Variants in MEAF6 observed in about 807,000 individuals in gnomAD.
The protein encoded by MEAF6 is MYST/Esa1 associated factor 6.
Under a neutral mutation model 28.9 loss-of-function variants are expected in MEAF6, and 15 were observed. That is an observed-to-expected ratio of 0.52 (90% CI 0.35 to 0.80). The LOEUF (loss-of-function observed/expected upper bound fraction) is 0.80. Ranked by LOEUF, MEAF6 falls within the 30% of genes least tolerant of loss-of-function variation. The probability of loss-of-function intolerance (pLI) is 0.01; values close to 1 mark genes in which losing one functional copy is unlikely to be tolerated. For synonymous variants in MEAF6, 97 were observed against 88.7 expected, an observed-to-expected ratio of 1.09 and a Z score of -0.53; for missense variants, 178 against 237.5, an observed-to-expected ratio of 0.75 and a Z score of 1.65.
At chr1:37,514,397 C>T (rs1372962080) in intron 1 of MEAF6, 2 of 263,792 alleles carry the variant, frequency 7.6e-6, no homozygotes, top group East Asian at 1.3e-4. Flanking sequence ...CACCGTCCTC[C>T]CTCCACGCCC....
Position 37,511,015 on chromosome 1 carries a change from C to T in MEAF6, c.207-1473G>A, listed in dbSNP as rs144617576. On this transcript the variant is annotated intron_variant, in intron 2 of 6. Transcript: ENST00000296214. ...GATTACAGGCGTGAGCCACTATGCC[C>T]GGCCAATATATATTTATTTTAATGC... Among the ~76,000 whole-genome samples the T allele has an allele frequency of 8.5e-5, 13 of 152,288 alleles. 1 individual carries two copies. In the East Asian group the frequency reaches 2.1e-3, roughly 25 times the overall value.
chr1:37,505,043 C>G (rs1308940129), intron 4 of MEAF6, among the ~76,000 whole-genome samples: 2 of 151,910 alleles, frequency 1.3e-5, no homozygotes, highest in Non-Finnish European at 2.9e-5. Flanking sequence ...ACCACCATGC[C>G]CGGCTCATTT....
chr1:37,493,035 A>T lies in MEAF6; in HGVS notation c.*1064T>A, dbSNP rs531517737. ...AGAGGCAGGTAACGATTACTAGCAGATTCCTCAGCCCCAACAAGCCCTCCA... is the reference window on the plus strand; with the variant it reads ...AGAGGCAGGTAACGATTACTAGCAGTTTCCTCAGCCCCAACAAGCCCTCCA... On this transcript the variant is annotated 3_prime_UTR_variant, in exon 7 of 7. Transcript: ENST00000296214. 2.6e-5 allele frequency: 4 copies of T among 152,260 alleles called. No homozygotes were observed. The highest frequency in any genetic ancestry group is 5.9e-5 in the Non-Finnish European group (4 of 68,082). 9.4% of individuals were successfully genotyped at this position (152,260 alleles called of 1,614,324 possible).
intron 4 of MEAF6, among the ~76,000 whole-genome samples, chr1:37,508,835 A>G (rs1642571630): frequency 6.6e-6 from 1 of 152,172 alleles, no homozygotes; most frequent in Non-Finnish European, 1.5e-5. Flanking sequence ...GGTGGCTCAC[A>G]CCTCTACTCC....
chr1:37,491,578 A>T lies in MEAF6; in HGVS notation c.*2521T>A, dbSNP rs1641929581. The stretch of plus-strand genomic sequence containing the variant: ...GCTGGGAATGGTGGCATGCACCTAT[A>T]GTCCCAGGTACTAGTAAGGCTGAAG... On this transcript the variant is annotated 3_prime_UTR_variant, in exon 7 of 7. Coordinates refer to ENST00000296214, the MANE Select transcript of MEAF6 (RefSeq NM_001270875.3). 1.3e-5 allele frequency among the ~76,000 whole-genome samples: 2 copies of T among 152,176 alleles called. No individual in the cohort carries two copies. The highest frequency in any genetic ancestry group is 4.1e-4 in the South Asian group (2 of 4,832).
rs553543805 is a variant in MEAF6 at position 37,493,787 on chromosome 1, C to A, written c.*312G>T. The stretch of plus-strand genomic sequence containing the variant: ...AAGGGTATCACAGATGAAGCTGGTG[C>A]CAGCCAGTTTTGGGGGAGACATTCA... On this transcript the variant is annotated 3_prime_UTR_variant, in exon 7 of 7. Transcript: ENST00000296214. The A allele has an allele frequency of 1.3e-6, 2 of 1,550,708 alleles. No homozygotes were observed. Among genetic ancestry groups the A allele is most frequent in the Non-Finnish European group, 1.7e-6 (2 of 1,147,020 alleles).
At chr1:37,505,678 T>TA (rs955263004) in intron 4 of MEAF6, among the ~76,000 whole-genome samples, 71 of 152,164 alleles carry the variant, frequency 4.7e-4, no homozygotes, top group African/African-American at 1.7e-3. Flanking sequence ...GATTTCACAC[T>TA]AAAAAAACAA....
chr1:37,494,080 T>C lies in MEAF6; in HGVS notation c.*19A>G. On this transcript the variant is annotated 3_prime_UTR_variant, in exon 7 of 7. Transcript: ENST00000296214. The stretch of plus-strand genomic sequence containing the variant: ...AAGCAGGGCTCTACAGCCTGGAAGC[T>C]TCTGCACTAATGTGTCTTCTAATAG... The C allele has an allele frequency of 6.2e-7, 1 of 1,612,162 alleles. No homozygotes were observed. The highest frequency in any genetic ancestry group is 1.1e-5 in the South Asian group (1 of 90,568).
At chr1:37,501,689 T>G in intron 5 of MEAF6, 115 bp downstream of exon 5, 1 of 1,088,192 alleles carries the variant, frequency 9.2e-7, no homozygotes, top group South Asian at 2.4e-5. Context: ...CTAATGACTT[T>G]CTTGCCATCA....
chr1:37,511,461 A>T (rs1402076110), intron 2 of MEAF6, among the ~76,000 whole-genome samples: 1 of 152,240 alleles, frequency 6.6e-6, no homozygotes, highest in Non-Finnish European at 1.5e-5. Context: ...ACAACTGAAT[A>T]CAAATTTAGA....
intron 1 of MEAF6, 49 bp from the exon 2 acceptor site, chr1:37,513,587 A>T: frequency 7.0e-7 from 1 of 1,428,000 alleles, no homozygotes; most frequent in Non-Finnish European, 9.9e-7. Flanking sequence ...AAATGCAAAC[A>T]CTTAAGTCTG....
intron 6 of MEAF6, 112 bp from the exon 7 acceptor site, chr1:37,494,219 A>G (rs1642036677): frequency 2.2e-6 from 2 of 903,836 alleles, no homozygotes; most frequent in Middle Eastern, 2.4e-4. Flanking sequence ...CTCTATAGCT[A>G]AAGATTATAT....
At position 37,514,702 on chromosome 1, in the gene MEAF6, G is replaced by A; in HGVS notation, c.45C>T (p.Thr15=). ...NKAAPPQIPD[T]RRELAELVKR... The stretch of plus-strand genomic sequence containing the variant: ...TCACGAGCTCCGCCAGCTCCCGCCG[G>A]GTGTCCGGGATCTGCGGCGGCGCCG... The change falls in exon 1 of 7, where the codon ACC becomes ACT. Residue 15 remains threonine, a synonymous_variant. Transcript: ENST00000296214. The A allele has an allele frequency of 6.5e-7, 1 of 1,543,432 alleles. No homozygotes were observed. The highest frequency in any genetic ancestry group is 1.7e-4 in the Middle Eastern group (1 of 5,858).
At chr1:37,505,261 G>A (rs996416263) in intron 4 of MEAF6, among the ~76,000 whole-genome samples, 1 of 152,098 alleles carries the variant, frequency 6.6e-6, no homozygotes, top group African/African-American at 2.4e-5. Flanking sequence ...ACGGGTACAA[G>A]AAGTAAAGGA....
At chr1:37,511,286 G>A (rs1642661922) in intron 2 of MEAF6, among the ~76,000 whole-genome samples, 1 of 152,174 alleles carries the variant, frequency 6.6e-6, no homozygotes, top group Admixed American at 6.6e-5. Flanking sequence ...TCTGACCACA[G>A]CTGGGACAAA....
intron 2 of MEAF6, among the ~76,000 whole-genome samples, chr1:37,510,983 G>T (rs1043245017): frequency 3.9e-5 from 6 of 152,124 alleles, no homozygotes; most frequent in African/African-American, 1.2e-4. Flanking sequence ...GCCTCCCAAA[G>T]TGCTGAGATT....
At position 37,514,765 on chromosome 1, in the gene MEAF6, G is replaced by C. The variant is rs373468993; in HGVS notation, c.-19C>G. 926 of 1,432,342 alleles carry C rather than the reference G, an allele frequency of 6.5e-4. 6 individuals carry two copies. In the African/African-American group the frequency reaches 0.012, roughly 19 times the overall value. The allele number at this position is 1,432,342 out of a possible 1,614,324, so 88.7% of individuals were successfully genotyped here. A position where few individuals can be genotyped will look rare whatever the true frequency, so the allele number is the denominator to read the frequency against. On this transcript the variant is annotated 5_prime_UTR_variant, in exon 1 of 7. Transcript: ENST00000296214. ...TCGCCATGTTGGGCTGAGGCGGGCGGCGGCGGCGCGAGGTTGGGGGCGGTC... is the reference window on the plus strand; with the variant it reads ...TCGCCATGTTGGGCTGAGGCGGGCGCCGGCGGCGCGAGGTTGGGGGCGGTC...
intron 4 of MEAF6, among the ~76,000 whole-genome samples, chr1:37,504,491 C>T (rs563686097): frequency 3.9e-4 from 60 of 152,160 alleles, no homozygotes; most frequent in African/African-American, 1.4e-3. Flanking sequence ...CATTATCTGG[C>T]CGAGCACAGT....
chr1:37,494,949 T>C (rs1401823726), intron 6 of MEAF6, among the ~76,000 whole-genome samples: 1 of 152,096 alleles, frequency 6.6e-6, no homozygotes, highest in Non-Finnish European at 1.5e-5. Flanking sequence ...ATTTTGCTCT[T>C]ATTAGAGCAC....
Sources: gnomAD v4.1 joint callset for allele counts (sites outside exome capture counted in the v4.1 genomes callset) on GRCh38, gnomAD v4.1.1 for gene constraint, MANE v1.5 for transcripts, NCBI Gene and HGNC (gene_info 2026-07-23, HGNC 2026-07-21) for gene names.